The following SDK2 variants were observed in gnomAD, a reference collection of about 807,000 sequenced individuals.
SDK2 encodes the protein sidekick cell adhesion molecule 2.
A neutral mutation model predicts 253.9 loss-of-function variants in SDK2; 105 were observed. The observed-to-expected ratio is 0.41, with a 90% CI of 0.35 to 0.49. The LOEUF (loss-of-function observed/expected upper bound fraction) is 0.49. Ranked by LOEUF, SDK2 falls within the 20% of genes least tolerant of loss-of-function variation. The pLI, the probability that SDK2 is intolerant of heterozygous loss-of-function variation, is 0.06. For missense variants in SDK2, 2,608 were observed against 3,003.0 expected (o/e 0.87, Z 3.07); for synonymous variants, 1,249 against 1,234.9 (o/e 1.01, Z -0.24).
In SDK2 at chr17:73,383,519, C is replaced by T. The variant is rs1290617701; in HGVS notation, c.4705+357G>A. Reference sequence around the variant, plus strand: ...CCTGGTTAACTTGGCATCATCCTTCCGTGTTAGCGCCAGTGCTGGTGCCGG... The same window carrying T: ...CCTGGTTAACTTGGCATCATCCTTCTGTGTTAGCGCCAGTGCTGGTGCCGG... On this transcript the variant is annotated intron_variant, in intron 33 of 44. Coordinates refer to ENST00000392650, the MANE Select transcript of SDK2 (RefSeq NM_001144952.2). The surrounding 1 kb of genome is among the most constrained non-coding windows in gnomAD (Gnocchi z 4.3). Among the ~76,000 whole-genome samples the T allele has an allele frequency of 6.6e-6, 1 of 152,164 alleles. No individual in the cohort carries two copies. Among genetic ancestry groups the T allele is most frequent in the Non-Finnish European group, 1.5e-5 (1 of 68,036 alleles).
At chr17:73,423,691 GCCCTCCTGCTAAAGCCATCCTCACA>G (rs1428871404) in intron 13 of SDK2, among the ~76,000 whole-genome samples, 169 bp from the exon 14 acceptor site, 3 of 152,214 alleles carry the variant, frequency 2.0e-5, no homozygotes, top group Non-Finnish European at 4.4e-5. Flanking sequence ...TGGAACCAGA[GCCCTCCTGCTAAAGCCATCCTCACA>G]CCCCCCTGCT....
At chr17:73,461,783 G>T (rs1319352502) in intron 3 of SDK2, among the ~76,000 whole-genome samples, 1 of 152,152 alleles carries the variant, frequency 6.6e-6, no homozygotes. Flanking sequence ...TATGGCTGTT[G>T]TATGTATATA....
chr17:73,467,440 C>T lies in SDK2; in HGVS notation c.331+4672G>A, dbSNP rs374410396. Among the ~76,000 whole-genome samples, 4 of 152,102 alleles carry T rather than the reference C, an allele frequency of 2.6e-5. No homozygotes were observed. Among genetic ancestry groups the T allele is most frequent in the East Asian group, 1.9e-4 (1 of 5,172 alleles). ...GGGACTTGCACTCTGCAGGCTGGGACGAGAACCACTGTGCCCTTCCCAGCA... is the reference window on the plus strand; with the variant it reads ...GGGACTTGCACTCTGCAGGCTGGGATGAGAACCACTGTGCCCTTCCCAGCA... On this transcript the variant is annotated intron_variant, in intron 3 of 44. Coordinates refer to ENST00000392650, the MANE Select transcript of SDK2 (RefSeq NM_001144952.2). The surrounding 1 kb of genome is among the most constrained non-coding windows in gnomAD (Gnocchi z 4.1).
At chr17:73,448,732 C>T (rs1029539528) in intron 4 of SDK2, among the ~76,000 whole-genome samples, 2 of 151,136 alleles carry the variant, frequency 1.3e-5, no homozygotes, top group African/African-American at 4.9e-5. Context: ...ACGATCTTGG[C>T]TTACTGCAAC....
At chr17:73,515,613 C>T (rs574003526) in intron 1 of SDK2, among the ~76,000 whole-genome samples, 10 of 152,342 alleles carry the variant, frequency 6.6e-5, no homozygotes, top group African/African-American at 1.4e-4. Flanking sequence ...AGAAGATGAA[C>T]GCATGCAGGC....
At chr17:73,474,917 T>A (rs1332318185) in intron 2 of SDK2, among the ~76,000 whole-genome samples, 1 of 152,132 alleles carries the variant, frequency 6.6e-6, no homozygotes, top group Non-Finnish European at 1.5e-5. Flanking sequence ...ACTTCCGTCA[T>A]AGTGAAAGAA....
In SDK2 at chr17:73,469,990, GCGCACACACA is replaced by G. The variant is rs1205916040; in HGVS notation, c.331+2112_331+2121del. ...GAATGGCATTTGCGACTGCGCGCGCGCGCACACACACACACACACACACACACACACACAC... is the reference window on the plus strand; with the variant it reads ...GAATGGCATTTGCGACTGCGCGCGCGCACACACACACACACACACACACAC... On this transcript the variant is annotated intron_variant, in intron 3 of 44. Transcript: ENST00000392650. Among the ~76,000 whole-genome samples the G allele has an allele frequency of 3.7e-3, 386 of 105,678 alleles. 4 individuals are homozygous for G. Among genetic ancestry groups the G allele is most frequent in the African/African-American group, 0.013 (366 of 27,620 alleles). The allele number at this position is 105,678 out of a possible 152,430, so 69.3% of individuals were successfully genotyped here.
intron 5 of SDK2, among the ~76,000 whole-genome samples, chr17:73,442,232 T>C (rs1201231327): frequency 6.6e-6 from 1 of 152,246 alleles, no homozygotes; most frequent in Non-Finnish European, 1.5e-5. Context: ...AAGCTGACCA[T>C]ACTGGCTTCC....
At chr17:73,471,992 TG>T in intron 3 of SDK2, 119 bp downstream of exon 3, 1 of 716,516 alleles carries the variant, frequency 1.4e-6, no homozygotes, top group Non-Finnish European at 2.3e-6. Flanking sequence ...AGGGGCACCA[TG>T]GGCACTCAGT....
At chr17:73,406,410 AT>A (rs879724791) in intron 18 of SDK2, among the ~76,000 whole-genome samples, 231 of 147,578 alleles carry the variant, frequency 1.6e-3, no homozygotes, top group African/African-American at 5.0e-3. Context: ...CGCCCAGCTA[AT>A]TTTTTTTTTT....
chr17:73,515,467 G>A (rs576941758), intron 1 of SDK2, among the ~76,000 whole-genome samples: 6 of 152,372 alleles, frequency 3.9e-5, no homozygotes, highest in African/African-American at 7.2e-5. Flanking sequence ...CTGGGAATGA[G>A]TCCTGCGAAT....
rs900925009 is a variant in SDK2, at chr17:73,435,810, G to A, written c.1001-166C>T. ...GCCACTTTGGGTCTAGGGAGAGGAG[G>A]AAGATGCTCTTTGAGTGGTAATTCT... On this transcript the variant is annotated intron_variant, in intron 8 of 44. Transcript: ENST00000392650. The surrounding 1 kb of genome is among the most constrained non-coding windows in gnomAD (Gnocchi z 5.7). 6.6e-6 allele frequency among the ~76,000 whole-genome samples: 1 copy of A among 152,232 alleles called. No homozygotes were observed. The highest frequency in any genetic ancestry group is 1.5e-5 in the Non-Finnish European group (1 of 68,042).
chr17:73,617,307 G>C (rs1269652961), intron 1 of SDK2, among the ~76,000 whole-genome samples: 1 of 150,804 alleles, frequency 6.6e-6, no homozygotes, highest in Non-Finnish European at 1.5e-5. Flanking sequence ...CCTGCAGAGG[G>C]GAGGGGAGAG....
intron 10 of SDK2, among the ~76,000 whole-genome samples, chr17:73,432,452 A>G (rs940678848): frequency 1.3e-5 from 2 of 151,928 alleles, no homozygotes; most frequent in African/African-American, 4.8e-5. Flanking sequence ...TGCTGGGTGG[A>G]TGTGTTTATT....
At position 73,435,458 on chromosome 17, in the gene SDK2, G is replaced by C; in HGVS notation, c.1187C>G (p.Ala396Gly). 3 of 1,591,878 alleles carry C rather than the reference G, an allele frequency of 1.9e-6. No individual in the cohort carries two copies. Among genetic ancestry groups the C allele is most frequent in the South Asian group, 1.1e-5 (1 of 87,360 alleles). ...GGGAAGGCCCAACTTACTGGTGACA[G>C]CCAGGTAGGTGGAAGTTTGCACCTC... ...AGEVQTSTYL[A>G]VTSIAPNITR... The change falls in exon 9 of 45, where the codon GCT becomes GGT. Residue 396 changes from alanine to glycine, a missense_variant. Physicochemically the swap from Ala to Gly is moderately conservative, Grantham distance 60. Around this residue, in one of 2 missense-constraint regions of SDK2, gnomAD observed 1,505 missense variants for 1,859.1 expected, o/e 0.81. Coordinates refer to ENST00000392650, the MANE Select transcript of SDK2 (RefSeq NM_001144952.2). This position sits in a 1 kb window ranked among gnomAD's most constrained non-coding sequence, Gnocchi z 5.7.
rs555480208 is a variant in SDK2 at position 73,352,483 on chromosome 17, C to T, written c.5748G>A (p.Gln1916=). Residue 1916 remains glutamine (Q), a synonymous_variant, in exon 41 of 45, where the codon CAG becomes CAA. Transcript: ENST00000392650. This position sits in a 1 kb window ranked among gnomAD's most constrained non-coding sequence, Gnocchi z 4.1. ...YGFGTPSSPS[Q]SVPAQKANPF... is the part of the protein sequence containing the mutation. ...CCCCCAGGCCGGTACCTGGCACAGA[C>T]TGGGAGGGGCTGCTGGGGGTGCCGA... 1.9e-6 allele frequency: 3 copies of T among 1,613,068 alleles called. No individual in the cohort carries two copies. Among genetic ancestry groups the T allele is most frequent in the African/African-American group, 1.3e-5 (1 of 75,070 alleles).
At chr17:73,584,898 G>T (rs751895218) in intron 1 of SDK2, among the ~76,000 whole-genome samples, 4 of 152,250 alleles carry the variant, frequency 2.6e-5, no homozygotes, top group Admixed American at 6.5e-5. Context: ...CGCTCAGGTC[G>T]AAGCCCGTTG....
At chr17:73,419,527 T>C (rs1388851816) in intron 15 of SDK2, among the ~76,000 whole-genome samples, 2 of 152,074 alleles carry the variant, frequency 1.3e-5, no homozygotes, top group African/African-American at 2.4e-5. Context: ...GCTCAAATGA[T>C]ACTACATATA....
intron 1 of SDK2, among the ~76,000 whole-genome samples, chr17:73,527,778 G>C (rs2064137456): frequency 1.3e-5 from 2 of 152,188 alleles, no homozygotes; most frequent in African/African-American, 4.8e-5. Context: ...CGATCTCCCA[G>C]GGAGAAATAC....
Sources: allele counts gnomAD v4.1 joint callset (sites outside exome capture counted in the v4.1 genomes callset), GRCh38; gene constraint gnomAD v4.1.1; regional missense constraint gnomAD v4.1.1; non-coding constraint Gnocchi (gnomAD v3.1); transcripts MANE v1.5; gene names NCBI Gene and HGNC (gene_info 2026-07-23, HGNC 2026-07-21).